PAG1: variants seen among roughly 807,000 people sequenced by gnomAD.
PAG1 encodes phosphoprotein membrane anchor with glycosphingolipid microdomains 1.
In PAG1, 23 loss-of-function variants were observed where a neutral mutation model predicts 31.7. That is an observed-to-expected ratio of 0.73 (90% CI 0.52 to 1.03). The LOEUF is 1.03. Ranked by LOEUF, PAG1 falls within the 50% of genes least tolerant of loss-of-function variation. The pLI is 0.00. For missense variants in PAG1, 473 were observed against 540.7 expected (o/e 0.87, Z 1.24); for synonymous variants, 214 against 210.3 (o/e 1.02, Z -0.15).
At chr8:81,031,844 G>A (rs574650139) in intron 2 of PAG1, among the ~76,000 whole-genome samples, 11 of 152,302 alleles carry the variant, frequency 7.2e-5, no homozygotes, top group Non-Finnish European at 1.5e-4. Flanking sequence ...CTGTGGTGCA[G>A]TCATAAGGAT....
intron 1 of PAG1, among the ~76,000 whole-genome samples, chr8:81,082,211 C>CCACT (rs889629267): frequency 4.1e-5 from 6 of 146,964 alleles, no homozygotes; most frequent in African/African-American, 7.7e-5. Context: ...CGAGACTGTG[C>CCACT]CACTGTGCTC....
intron 3 of PAG1, among the ~76,000 whole-genome samples, chr8:81,023,987 A>AGTAAATGAC (rs1340287337): frequency 1.3e-5 from 2 of 152,214 alleles, no homozygotes; most frequent in Admixed American, 1.3e-4. Flanking sequence ...ATAAAGTAAC[A>AGTAAATGAC]GTAAATGACT....
chr8:81,090,323 C>CTATA (rs1809425118), intron 1 of PAG1, among the ~76,000 whole-genome samples: 1 of 152,306 alleles, frequency 6.6e-6, no homozygotes, highest in South Asian at 2.1e-4. Context: ...CTGATGCTTT[C>CTATA]TATATATTAG....
Position 80,974,614 on chromosome 8 carries a change from A to G in PAG1, c.*1930T>C, listed in dbSNP as rs903690965. On this transcript the variant is annotated 3_prime_UTR_variant, in exon 9 of 9. Coordinates refer to ENST00000220597, the MANE Select transcript of PAG1 (RefSeq NM_018440.4). ...AGACATGCAGTGTAGAGCAGTCACA[A>G]AGTCAAGCCATGAATACAGGGATGG... is the stretch of plus-strand genomic sequence containing the variant. 6.6e-6 allele frequency: 1 copy of G among 152,114 alleles called. No homozygotes were observed. The highest frequency in any genetic ancestry group is 2.4e-5 in the African/African-American group (1 of 41,406). 9.4% of individuals were successfully genotyped at this position (152,114 alleles called of 1,614,324 possible).
intron 1 of PAG1, among the ~76,000 whole-genome samples, chr8:81,100,726 G>T (rs1370350621): frequency 1.3e-5 from 2 of 152,208 alleles, no homozygotes; most frequent in African/African-American, 4.8e-5. Context: ...ACTAGCAAAT[G>T]ATGATTCTCT....
At position 81,079,923 on chromosome 8, in the gene PAG1, C is replaced by A. The variant is rs115815120; in HGVS notation, c.-233-9753G>T. 4.4e-3 allele frequency among the ~76,000 whole-genome samples: 670 copies of A among 152,078 alleles called. 8 individuals are homozygous for A. Among genetic ancestry groups the A allele is most frequent in the African/African-American group, 0.016 (650 of 41,490 alleles). ...AGCTGGGACTAAAGGCACATACCCC[C>A]ATGCCCGGATAATTTTTAAAATTTT... On this transcript the variant is annotated intron_variant, in intron 1 of 8. Transcript: ENST00000220597.
intron 4 of PAG1, among the ~76,000 whole-genome samples, 156 bp downstream of exon 4, chr8:80,992,947 G>A (rs1316512012): frequency 6.6e-6 from 1 of 152,184 alleles, no homozygotes; most frequent in Admixed American, 6.5e-5. Flanking sequence ...GTCCCGAGAC[G>A]CTCTGCAGCA....
chr8:81,097,264 C>T (rs1809542961), intron 1 of PAG1, among the ~76,000 whole-genome samples: 1 of 152,120 alleles, frequency 6.6e-6, no homozygotes. Context: ...TGGAGAACCA[C>T]CCTCTAAAAA....
chr8:81,099,249 A>C (rs1437710675), intron 1 of PAG1, among the ~76,000 whole-genome samples: 2 of 152,240 alleles, frequency 1.3e-5, no homozygotes, highest in African/African-American at 2.4e-5. Flanking sequence ...CCAAACAGGC[A>C]TGTTCTCCAG....
chr8:81,072,804 T>C (rs1359692589), intron 1 of PAG1, among the ~76,000 whole-genome samples: 1 of 152,138 alleles, frequency 6.6e-6, no homozygotes. Context: ...AGGGCATAGA[T>C]GAGGGAGTGG....
chr8:81,103,050 T>C (rs1217422624), intron 1 of PAG1, among the ~76,000 whole-genome samples: 1 of 152,144 alleles, frequency 6.6e-6, no homozygotes, highest in Non-Finnish European at 1.5e-5. Flanking sequence ...AATAAGTTTA[T>C]CTACAATAAT....
At chr8:81,065,808 C>T (rs942572449) in intron 2 of PAG1, among the ~76,000 whole-genome samples, 5 of 150,508 alleles carry the variant, frequency 3.3e-5, no homozygotes, top group East Asian at 1.9e-4. Flanking sequence ...TATATATATG[C>T]ATGTGTGTGT....
intron 3 of PAG1, among the ~76,000 whole-genome samples, chr8:81,020,392 T>A (rs1043425219): frequency 6.6e-6 from 1 of 152,182 alleles, no homozygotes; most frequent in Admixed American, 6.5e-5. Context: ...CTCCCATGAT[T>A]CCTACATGTT....
chr8:80,984,857 C>T lies in PAG1; in HGVS notation c.795G>A (p.Leu265=). The change falls in exon 7 of 9, where the codon CTG becomes CTA. Residue 265 remains leucine (L), a synonymous_variant. Transcript: ENST00000220597. ...TCTCCTGAAGGTTTTCATTCTCGTC[C>T]AGAAGCTTAACAGGGACAGGTGGTG... The part of the protein sequence containing the change: ...EAPPPVPVKL[L]DENENLQEKE... The T allele has an allele frequency of 6.2e-7, 1 of 1,614,134 alleles. No homozygotes were observed. The highest frequency in any genetic ancestry group is 8.5e-7 in the Non-Finnish European group (1 of 1,180,012).
Position 80,977,709 on chromosome 8 carries a change from A to G in PAG1, c.937-803T>C, listed in dbSNP as rs545673693. Among the ~76,000 whole-genome samples, 24 of 152,328 alleles carry G rather than the reference A, an allele frequency of 1.6e-4. No homozygotes were observed. The East Asian group carries it at 4.6e-3, about 29-fold the overall frequency. ...AAATGACAACTTACAGGATACTATT[A>G]AGAGCCAGTGGCTTTCCAAGCACAC... On this transcript the variant is annotated intron_variant, in intron 8 of 8. Transcript: ENST00000220597.
chr8:81,003,167 A>C (rs1807818372), intron 3 of PAG1, among the ~76,000 whole-genome samples: 1 of 152,196 alleles, frequency 6.6e-6, no homozygotes. Context: ...CAAGCCCTGC[A>C]GGTGATCGTG....
In PAG1 at chr8:80,971,197, ATTATGAAGATCT is replaced by A. The variant is rs1807070383; in HGVS notation, c.*5335_*5346del. Reference sequence around the variant, plus strand: ...CTTTTGTGAATTGGACAATTTGACCATTATGAAGATCTTTTGAAACAATCAATGAAAATGCTA... The same window carrying A: ...CTTTTGTGAATTGGACAATTTGACCATTTGAAACAATCAATGAAAATGCTA... On this transcript the variant is annotated 3_prime_UTR_variant, in exon 9 of 9. Transcript: ENST00000220597. 1 of 152,240 alleles carries A rather than the reference ATTATGAAGATCT, an allele frequency of 6.6e-6. No individual in the cohort carries two copies. The highest frequency in any genetic ancestry group is 1.9e-4 in the East Asian group (1 of 5,202). 9.4% of individuals were successfully genotyped at this position (152,240 alleles called of 1,614,324 possible). A position where few individuals can be genotyped will look rare whatever the true frequency, so the allele number is the denominator to read the frequency against.
intron 2 of PAG1, among the ~76,000 whole-genome samples, chr8:81,055,717 C>T (rs572054190): frequency 2.0e-5 from 3 of 152,202 alleles, no homozygotes; most frequent in African/African-American, 7.2e-5. Flanking sequence ...CTCTTTGAAG[C>T]AATTGTGAAT....
intron 2 of PAG1, among the ~76,000 whole-genome samples, chr8:81,044,868 A>G (rs934092912): frequency 1.3e-5 from 2 of 152,140 alleles, no homozygotes; most frequent in African/African-American, 4.8e-5. Context: ...TCCATTGCTT[A>G]TCTGCAGCTC....
Sources: gnomAD v4.1 joint callset for allele counts (sites outside exome capture counted in the v4.1 genomes callset) on GRCh38, gnomAD v4.1.1 for gene constraint, MANE v1.5 for transcripts, NCBI Gene and HGNC (gene_info 2026-07-23, HGNC 2026-07-21) for gene names.